Variants in FNDC7 observed in about 807,000 individuals in gnomAD.
The protein encoded by FNDC7 is fibronectin type III domain containing 7, also known as fibronectin type III domain-containing protein 7.
Under a neutral mutation model 74.2 loss-of-function variants are expected in FNDC7, and 66 were observed. The ratio of observed to expected loss-of-function variants is 0.89; its 90% CI spans 0.73 to 1.09. The LOEUF is 1.09. Among genes scored for constraint, FNDC7 ranks in the 50% least tolerant of loss-of-function variants. FNDC7 has a pLI of 0.00. For synonymous variants in FNDC7, 307 were observed against 330.2 expected, an observed-to-expected ratio of 0.93 and a Z score of 0.76; for missense variants, 829 against 893.4, an observed-to-expected ratio of 0.93 and a Z score of 0.92.
At chr1:108,720,706 T>C (rs777468942) in intron 4 of FNDC7, among the ~76,000 whole-genome samples, 1 of 152,206 alleles carries the variant, frequency 6.6e-6, no homozygotes. Context: ...GGCTTGTAGA[T>C]GGTTATCTTC....
chr1:108,718,110 A>C, intron 3 of FNDC7, 79 bp downstream of exon 3: 1 of 1,510,160 alleles, frequency 6.6e-7, no homozygotes, highest in Non-Finnish European at 8.9e-7. Context: ...CAAATGCAGA[A>C]TGTGATTTGG....
chr1:108,720,057 CTGCGG>C (rs1210170311), intron 4 of FNDC7, among the ~76,000 whole-genome samples: 2 of 152,078 alleles, frequency 1.3e-5, no homozygotes, highest in African/African-American at 4.8e-5. Context: ...AATCATAGCC[CTGCGG>C]TGATTCATGA....
At chr1:108,734,408 C>A (rs554396541) in intron 10 of FNDC7, 13 of 152,334 alleles carry the variant, frequency 8.5e-5, no homozygotes, top group African/African-American at 2.9e-4. Context: ...CTCTGTGTTC[C>A]AGCACCTTCT....
intron 10 of FNDC7, among the ~76,000 whole-genome samples, chr1:108,733,956 A>T (rs945671950): frequency 2.0e-5 from 3 of 152,156 alleles, no homozygotes; most frequent in Non-Finnish European, 4.4e-5. Context: ...AGTCAAGGGT[A>T]TAAAATTTCT....
In FNDC7 at chr1:108,733,498, G is replaced by T. The variant is rs975337251; in HGVS notation, c.2106G>T (p.Leu702Phe). The stretch of plus-strand genomic sequence containing the variant: ...TCTCACCAGTTGCTAAAACAGGATT[G>T]AAGCTTACTTTCTGTCCAAAAAAAA... ...VMVSPVAKTG[L>F]KLTFCPKKIY... The change falls in exon 10 of 13, where the codon TTG becomes TTT. Residue 702 changes from leucine to phenylalanine, a missense_variant. By Grantham distance (22) the Leu-to-Phe change is conservative. Coordinates refer to ENST00000370017, the MANE Select transcript of FNDC7 (RefSeq NM_001144937.3). The T allele has an allele frequency of 7.4e-6, 12 of 1,613,574 alleles. No individual in the cohort carries two copies. In the African/African-American group the frequency reaches 1.6e-4, roughly 22 times the overall value.
At chr1:108,731,731 G>A (rs994545663) in intron 9 of FNDC7, among the ~76,000 whole-genome samples, 1 of 152,144 alleles carries the variant, frequency 6.6e-6, no homozygotes. Context: ...AAAAAGACAG[G>A]AATAGTAATA....
At chr1:108,715,218 T>C (rs1660948095) in intron 2 of FNDC7, among the ~76,000 whole-genome samples, 1 of 152,158 alleles carries the variant, frequency 6.6e-6, no homozygotes, top group South Asian at 2.1e-4. Flanking sequence ...CACTGGGGCC[T>C]CGTGGGCTAA....
At chr1:108,730,127 C>T (rs974518609) in intron 8 of FNDC7, among the ~76,000 whole-genome samples, 7 of 152,124 alleles carry the variant, frequency 4.6e-5, no homozygotes, top group African/African-American at 1.4e-4. Context: ...GCCTGTAATC[C>T]CAGCACTTTG....
chr1:108,726,563 G>T (rs1661223827), intron 6 of FNDC7, among the ~76,000 whole-genome samples: 1 of 151,676 alleles, frequency 6.6e-6, no homozygotes, highest in African/African-American at 2.4e-5. Context: ...GTGTGACAAA[G>T]CATGATGCAC....
In FNDC7 at chr1:108,730,730, G is replaced by A. The variant is rs376885498; in HGVS notation, c.1681G>A (p.Val561Met). ...TCAAATCACCCAGTCAGTAATCAACGTGAGCTGGACTATTGGGAGAGTGGC... is the reference window on the plus strand; with the variant it reads ...TCAAATCACCCAGTCAGTAATCAACATGAGCTGGACTATTGGGAGAGTGGC... ...VTQITQSVIN[V>M]SWTIGRVAQT... The change falls in exon 9 of 13, where the codon GTG (valine) becomes ATG (methionine). Residue 561 changes from valine (V) to methionine (M), a missense_variant. Transcript: ENST00000370017. 37 of 1,609,984 alleles carry A rather than the reference G, an allele frequency of 2.3e-5. No individual in the cohort carries two copies. The highest frequency in any genetic ancestry group is 2.0e-4 in the South Asian group (18 of 90,646).
In FNDC7 at chr1:108,737,199, T is replaced by G. The variant is rs566162257; in HGVS notation, c.2141-296T>G. Among the ~76,000 whole-genome samples, 21 of 152,264 alleles carry G rather than the reference T, an allele frequency of 1.4e-4. No individual in the cohort carries two copies. In the South Asian group the frequency reaches 3.9e-3, roughly 29 times the overall value. On this transcript the variant is annotated intron_variant, in intron 10 of 12. Transcript: ENST00000370017. The stretch of plus-strand genomic sequence containing the variant: ...GTTGGCCAGGCCGGTCTTGAACTCC[T>G]GACCTCAGGTATCTGCCCACCTGGG...
chr1:108,718,748 G>A (rs1367707189), intron 3 of FNDC7, 41 bp from the exon 4 acceptor site: 2 of 1,543,184 alleles, frequency 1.3e-6, no homozygotes, highest in Non-Finnish European at 1.8e-6. Context: ...ATCCTCTATT[G>A]GACTTTGGTA....
Position 108,727,874 on chromosome 1 carries a change from C to A in FNDC7, c.1178C>A (p.Ser393Tyr). Residue 393 changes from serine to tyrosine, a missense_variant, in exon 7 of 13, where the codon TCT (serine) becomes TAT (tyrosine). By Grantham distance (144) the Ser-to-Tyr change is moderately radical (BLOSUM62 -2). Coordinates refer to ENST00000370017, the MANE Select transcript of FNDC7 (RefSeq NM_001144937.3). ...VSSDRVEIVW[S>Y]PVRGAELYET... ...AGTGACAGAGTTGAGATTGTCTGGT[C>A]TCCTGTCCGTGGTGCCGAACTGTAT... 6.2e-7 allele frequency: 1 copy of A among 1,614,170 alleles called. No individual in the cohort carries two copies. Among genetic ancestry groups the A allele is most frequent in the South Asian group, 1.1e-5 (1 of 91,078 alleles).
rs772484253 is a variant in FNDC7 at position 108,718,518 on chromosome 1, A to T, written c.338-271A>T. Among the ~76,000 whole-genome samples, 186 of 152,294 alleles carry T rather than the reference A, an allele frequency of 1.2e-3. 3 individuals are homozygous for T. Among genetic ancestry groups the T allele is most frequent in the Middle Eastern group, 3.4e-3 (1 of 294 alleles). On this transcript the variant is annotated intron_variant, in intron 3 of 12. Coordinates refer to ENST00000370017, the MANE Select transcript of FNDC7 (RefSeq NM_001144937.3). ...CCTAATTTTCCCATTGATTTATATT[A>T]TGATTATAGGAATGTTTTATCTAAT... is the stretch of plus-strand genomic sequence containing the variant.
At chr1:108,733,153 A>T in intron 9 of FNDC7, 119 bp from the exon 10 acceptor site, 1 of 1,247,668 alleles carries the variant, frequency 8.0e-7, no homozygotes, top group Non-Finnish European at 1.1e-6. Context: ...TCTAACCAGT[A>T]ATTAATCCTG....
chr1:108,736,887 C>T (rs1661527590), intron 10 of FNDC7, among the ~76,000 whole-genome samples: 1 of 151,936 alleles, frequency 6.6e-6, no homozygotes, highest in African/African-American at 2.4e-5. Context: ...TTATTGAATG[C>T]CATGTGCCAG....
At chr1:108,713,182 C>T (rs918529956) in intron 1 of FNDC7, among the ~76,000 whole-genome samples, 186 bp downstream of exon 1, 3 of 151,842 alleles carry the variant, frequency 2.0e-5, no homozygotes, top group Admixed American at 6.6e-5. Flanking sequence ...AGAAAGAAAA[C>T]AAGATTATCA....
chr1:108,724,278 T>C (rs1011307499), intron 5 of FNDC7, among the ~76,000 whole-genome samples: 2 of 151,996 alleles, frequency 1.3e-5, no homozygotes, highest in Non-Finnish European at 2.9e-5. Flanking sequence ...ACTTATTGTG[T>C]GAGATAAATT....
In FNDC7 at chr1:108,728,832, G is replaced by C. The variant is rs1222709789; in HGVS notation, c.1570G>C (p.Ala524Pro). The change falls in exon 8 of 13, where the codon GCC becomes CCC. Residue 524 changes from alanine (A) to proline (P), a missense_variant. Coordinates refer to ENST00000370017, the MANE Select transcript of FNDC7 (RefSeq NM_001144937.3). ...CGSVFSVTAV[A>P]ETQAGRSLPS... ...CTCAGTGTTCTCTGTCACTGCTGTG[G>C]CCGAAACACAGGCAGGACGGAGCCT... 2.5e-6 allele frequency: 4 copies of C among 1,614,194 alleles called. No individual in the cohort carries two copies. The highest frequency in any genetic ancestry group is 3.4e-6 in the Non-Finnish European group (4 of 1,180,038).
Sources: allele counts gnomAD v4.1 joint callset (sites outside exome capture counted in the v4.1 genomes callset), GRCh38; gene constraint gnomAD v4.1.1; transcripts MANE v1.5; gene names NCBI Gene and HGNC (gene_info 2026-07-23, HGNC 2026-07-21).